LDHAL6A: variants seen among roughly 807,000 people sequenced by gnomAD.
LDHAL6A encodes lactate dehydrogenase A like 6A.
LDHAL6A carries 19 observed loss-of-function variants against 28.2 expected under a neutral mutation model. The observed-to-expected ratio is 0.67, with a 90% CI of 0.47 to 0.99. The LOEUF (loss-of-function observed/expected upper bound fraction) is 0.99, where lower values mean the gene tolerates loss of function less well. LDHAL6A is among the 50% of genes least tolerant of loss of function. The pLI is 0.00. For synonymous variants in LDHAL6A, 144 were observed against 134.4 expected, an observed-to-expected ratio of 1.07 and a Z score of -0.49; for missense variants, 372 against 398.6, an observed-to-expected ratio of 0.93 and a Z score of 0.57.
intron 3 of LDHAL6A, 78 bp from the exon 4 acceptor site, chr11:18,475,388 T>C: frequency 8.9e-7 from 1 of 1,124,494 alleles, no homozygotes; most frequent in Non-Finnish European, 1.3e-6. Flanking sequence ...TCAGATTTAC[T>C]AGTTTTAAGT....
At chr11:18,461,880 G>A (rs982143390) in intron 1 of LDHAL6A, among the ~76,000 whole-genome samples, 8 of 150,638 alleles carry the variant, frequency 5.3e-5, no homozygotes, top group Non-Finnish European at 1.2e-4. Flanking sequence ...AAAAAACTAG[G>A]CTGGGCATGG....
In LDHAL6A at chr11:18,471,215, T is replaced by C. The variant is rs936289468; in HGVS notation, c.419-4251T>C. On this transcript the variant is annotated intron_variant, in intron 3 of 6. Coordinates refer to ENST00000280706, the MANE Select transcript of LDHAL6A (RefSeq NM_144972.5). ...TGTAAAACTAAACTTTAGAAGTTTT[T>C]TTTTTTTTTTTTGAGAGAGGGTTTT... 2.0e-5 allele frequency among the ~76,000 whole-genome samples: 3 copies of C among 151,496 alleles called. No individual in the cohort carries two copies. In the South Asian group the frequency reaches 6.2e-4, roughly 31 times the overall value.
chr11:18,463,946 A>C lies in LDHAL6A; in HGVS notation c.127-15A>C. 6.4e-7 allele frequency: 1 copy of C among 1,558,930 alleles called. No individual in the cohort carries two copies. The highest frequency in any genetic ancestry group is 8.8e-7 in the Non-Finnish European group (1 of 1,130,574). On this transcript the variant is annotated splice_polypyrimidine_tract_variant and intron_variant, in intron 1 of 6. Coordinates refer to ENST00000280706, the MANE Select transcript of LDHAL6A (RefSeq NM_144972.5). ...GAGATACACTCACACCCATTGGACT[A>C]ACAATGTTTTTCAGGGTTTGAGTGA...
chr11:18,465,546 A>G (rs1393355445), intron 2 of LDHAL6A, 91 bp from the exon 3 acceptor site: 39 of 1,038,618 alleles, frequency 3.8e-5, no homozygotes, highest in Non-Finnish European at 5.3e-5. Context: ...TCTTTGGTAA[A>G]CATAGTGTGG....
At chr11:18,471,227 T>A (rs1009518685) in intron 3 of LDHAL6A, among the ~76,000 whole-genome samples, 2 of 146,636 alleles carry the variant, frequency 1.4e-5, no homozygotes, top group Non-Finnish European at 3.0e-5. Context: ...TTTTTTTTTT[T>A]GAGAGAGGGT....
intron 2 of LDHAL6A, among the ~76,000 whole-genome samples, chr11:18,464,992 G>GTTTTTTTTTTTTTTT (rs1212053975): frequency 2.5e-5 from 3 of 119,822 alleles, no homozygotes; most frequent in African/African-American, 3.5e-5. Flanking sequence ...TTTTTGTTTT[G>GTTTTTTTTTTTTTTT]TTTTGTTTTG....
chr11:18,476,715 T>C (rs555396332), intron 5 of LDHAL6A: 62 of 618,890 alleles, frequency 1.0e-4, no homozygotes, highest in African/African-American at 8.1e-4. Context: ...TAACCCAGTA[T>C]TGAGCACATG....
chr11:18,462,591 C>G (rs1198207377), intron 1 of LDHAL6A, among the ~76,000 whole-genome samples: 1 of 147,640 alleles, frequency 6.8e-6, no homozygotes, highest in South Asian at 2.1e-4. Context: ...GAGCCGAGAT[C>G]ACGCCACTGC....
chr11:18,478,574 A>T, intron 6 of LDHAL6A, 132 bp from the exon 7 acceptor site: 1 of 692,734 alleles, frequency 1.4e-6, no homozygotes, highest in Admixed American at 3.1e-5. Context: ...AAAAAAGAAA[A>T]AAGTTCTCTG....
intron 3 of LDHAL6A, among the ~76,000 whole-genome samples, chr11:18,467,193 C>A (rs908585597): frequency 6.6e-6 from 1 of 152,168 alleles, no homozygotes; most frequent in East Asian, 1.9e-4. Context: ...TGCAGACCAA[C>A]AGTGAGTGCA....
At position 18,456,665 on chromosome 11, in the gene LDHAL6A, C is replaced by T. The variant is rs201752701; in HGVS notation, c.-16C>T. ...GAAATGGCTGTGCAATTTGTCTTCA[C>T]TGTTAGGTTTCCAAGATGGCAACTA... On this transcript the variant is annotated 5_prime_UTR_variant, in exon 1 of 7. Transcript: ENST00000280706. 50 of 1,613,128 alleles carry T rather than the reference C, an allele frequency of 3.1e-5. 1 individual carries two copies. In the East Asian group the frequency reaches 1.1e-3, roughly 35 times the overall value.
intron 3 of LDHAL6A, 40 bp from the exon 4 acceptor site, chr11:18,475,426 T>C: frequency 1.4e-6 from 2 of 1,475,144 alleles, no homozygotes; most frequent in Non-Finnish European, 1.9e-6. Flanking sequence ...CATATCCTTG[T>C]AGATGAGGAC....
intron 3 of LDHAL6A, chr11:18,469,204 T>C: frequency 3.1e-6 from 2 of 640,620 alleles, no homozygotes; most frequent in Non-Finnish European, 5.5e-6. Context: ...CTCTAACCGT[T>C]CAGGGCACTG....
chr11:18,456,445 C>G lies in LDHAL6A; in HGVS notation c.-236C>G, dbSNP rs944967067. On this transcript the variant is annotated 5_prime_UTR_variant, in exon 1 of 7. Coordinates refer to ENST00000280706, the MANE Select transcript of LDHAL6A (RefSeq NM_144972.5). Reference sequence around the variant, plus strand: ...TTAATTCCTCTTAACTGTACTCACGCTTCCTTCTCCTTCCCCTGGTCCGCT... The same window carrying G: ...TTAATTCCTCTTAACTGTACTCACGGTTCCTTCTCCTTCCCCTGGTCCGCT... 1.0e-5 allele frequency: 5 copies of G among 496,446 alleles called. No individual in the cohort carries two copies. The highest frequency in any genetic ancestry group is 1.8e-5 in the Non-Finnish European group (5 of 279,588). The allele number at this position is 496,446 out of a possible 1,614,324, so 30.8% of individuals were successfully genotyped here.
At chr11:18,467,297 T>C (rs1365989470) in intron 3 of LDHAL6A, among the ~76,000 whole-genome samples, 1 of 152,222 alleles carries the variant, frequency 6.6e-6, no homozygotes, top group Non-Finnish European at 1.5e-5. Flanking sequence ...CCAACATCAA[T>C]TCTAGAGAAC....
chr11:18,476,898 G>A (rs1479129177), intron 5 of LDHAL6A, among the ~76,000 whole-genome samples: 1 of 152,034 alleles, frequency 6.6e-6, no homozygotes, highest in East Asian at 1.9e-4. Context: ...CCAGCACTTT[G>A]GGAAGCTGAG....
intron 3 of LDHAL6A, 101 bp downstream of exon 3, chr11:18,465,911 A>G: frequency 1.0e-6 from 1 of 953,574 alleles, no homozygotes; most frequent in Non-Finnish European, 1.6e-6. Flanking sequence ...TTGGGGTAGG[A>G]TTGATCCTGC....
chr11:18,464,152 C>A, intron 2 of LDHAL6A, 74 bp downstream of exon 2: 4 of 1,036,784 alleles, frequency 3.9e-6, no homozygotes, highest in Non-Finnish European at 3.0e-6. Context: ...ATCTTTATTT[C>A]TTTTGACCTC....
In LDHAL6A at chr11:18,468,335, G is replaced by GA. The variant is rs1554967574; in HGVS notation, c.418+2525_418+2526insA. The GA allele has an allele frequency of 5.6e-5, 8 of 142,524 alleles. No individual in the cohort carries two copies. In the Admixed American group the frequency reaches 5.7e-4, roughly 10 times the overall value. The allele number at this position is 142,524 out of a possible 1,614,324, so 8.8% of individuals were successfully genotyped here. A position where few individuals can be genotyped will look rare whatever the true frequency, so the allele number is the denominator to read the frequency against. ...TTCATTGAGCAGCTTGGATGTATAG[G>GA]TTTTTTTTTTTTTCTTTTTTTGAGA... is the stretch of plus-strand genomic sequence containing the variant. On this transcript the variant is annotated intron_variant, in intron 3 of 6. Transcript: ENST00000280706.
Sources: allele counts gnomAD v4.1 joint callset (sites outside exome capture counted in the v4.1 genomes callset), GRCh38; gene constraint gnomAD v4.1.1; transcripts MANE v1.5; gene names NCBI Gene and HGNC (gene_info 2026-07-23, HGNC 2026-07-21).